The following CAST variants were observed in gnomAD, a reference collection of about 807,000 sequenced individuals.
CAST encodes the protein MIR583 host.
A neutral mutation model predicts 119.6 loss-of-function variants in CAST; 76 were observed. That is an observed-to-expected ratio of 0.64 (90% confidence interval 0.53 to 0.77). CAST has a LOEUF of 0.77. Among genes scored for constraint, CAST ranks in the 30% least tolerant of loss-of-function variants. The probability of loss-of-function intolerance (pLI) is 0.00; values close to 1 mark genes in which losing one functional copy is unlikely to be tolerated. For missense variants in CAST, 953 were observed against 946.5 expected (o/e 1.01, Z -0.09); for synonymous variants, 319 against 331.6 (o/e 0.96, Z 0.41).
At chr5:96,340,290 G>A in the CAST span, among the ~76,000 whole-genome samples, 1 of 152,118 alleles carries the variant, frequency 6.6e-6, no homozygotes. Flanking sequence ...TTTCATTTCA[G>A]CTCAGGTCCT....
At chr5:96,100,348 C>T in the CAST span, among the ~76,000 whole-genome samples, 1 of 152,344 alleles carries the variant, frequency 6.6e-6, no homozygotes, top group East Asian at 1.9e-4. Context: ...ATGCTAGCTT[C>T]TGCCTCAGTT....
the CAST span, among the ~76,000 whole-genome samples, chr5:96,112,240 T>C: frequency 6.6e-6 from 1 of 152,102 alleles, no homozygotes; most frequent in African/African-American, 2.4e-5. Flanking sequence ...AGTGGGAATA[T>C]ATTACCTAAT....
the CAST span, among the ~76,000 whole-genome samples, chr5:96,352,573 A>C: frequency 1.3e-5 from 2 of 152,212 alleles, no homozygotes; most frequent in African/African-American, 4.8e-5. Flanking sequence ...TATTTCCACC[A>C]ACAGGGGTAA....
chr5:96,473,291 C>T, the CAST span, among the ~76,000 whole-genome samples: 5 of 152,118 alleles, frequency 3.3e-5, no homozygotes, highest in African/African-American at 9.7e-5. Context: ...TGAGTGATAA[C>T]GTGTTTTCAC....
the CAST span, chr5:96,392,714 T>C: frequency 1.4e-4 from 66 of 465,838 alleles, no homozygotes; most frequent in East Asian, 2.3e-3. Flanking sequence ...AGTGTTCTAA[T>C]GTAGTGTAAG....
At chr5:96,043,290 G>A in the CAST span, among the ~76,000 whole-genome samples, 4 of 152,056 alleles carry the variant, frequency 2.6e-5, no homozygotes, top group Admixed American at 6.6e-5. Context: ...TTGTTCGATG[G>A]TCTCAGTGTC....
chr5:96,546,837 C>A (rs1746028877), intron 1 of CAST, among the ~76,000 whole-genome samples: 1 of 152,190 alleles, frequency 6.6e-6, no homozygotes, highest in South Asian at 2.1e-4. Context: ...GTCTGTTGTG[C>A]ATCATATTCA....
the CAST span, among the ~76,000 whole-genome samples, chr5:96,019,368 C>T: frequency 1.3e-4 from 20 of 152,288 alleles, no homozygotes; most frequent in Non-Finnish European, 2.6e-4. Flanking sequence ...AGCAATACTT[C>T]TGTACATATA....
At chr5:96,028,772 C>A in the CAST span, among the ~76,000 whole-genome samples, 2 of 151,864 alleles carry the variant, frequency 1.3e-5, no homozygotes, top group African/African-American at 2.4e-5. Context: ...AAAAAGCTGA[C>A]GTTAATGAAT....
At chr5:96,175,613 G>T in the CAST span, among the ~76,000 whole-genome samples, 5 of 152,148 alleles carry the variant, frequency 3.3e-5, no homozygotes, top group Admixed American at 3.3e-4. Context: ...ACACAACGTT[G>T]GTCAGTGATG....
At chr5:96,225,629 C>T in the CAST span, among the ~76,000 whole-genome samples, 1 of 152,128 alleles carries the variant, frequency 6.6e-6, no homozygotes, top group Non-Finnish European at 1.5e-5. Context: ...ACCCACCTTA[C>T]TAATGTATAT....
chr5:96,604,760 G>A (rs12108788), intron 1 of CAST, among the ~76,000 whole-genome samples: 12,587 of 152,274 alleles, frequency 0.083, 597 homozygotes, highest in African/African-American at 0.14. Context: ...ACTGCCTAAC[G>A]TCCAGGCATG....
chr5:96,770,579 G>C lies in CAST; in HGVS notation c.2317G>C (p.Gly773Arg). The change falls in exon 30 of 32, where the codon GGT becomes CGT. Residue 773 changes from glycine to arginine, a missense_variant. Coordinates refer to ENST00000675179, the MANE Select transcript of CAST (RefSeq NM_001750.7). ...ASSSKAPKNG[G>R]KAKDSAKTTE... is the part of the protein sequence containing the mutation. ...CAGCTCCAAAGCACCTAAGAATGGA[G>C]GTAAAGCGAAGGATTCAGCAAAGGT... is the stretch of plus-strand genomic sequence containing the variant. The C allele has an allele frequency of 2.5e-6, 4 of 1,612,528 alleles. No individual in the cohort carries two copies. Among genetic ancestry groups the C allele is most frequent in the Non-Finnish European group, 3.4e-6 (4 of 1,178,794 alleles).
At chr5:96,163,969 A>G in the CAST span, among the ~76,000 whole-genome samples, 2 of 152,228 alleles carry the variant, frequency 1.3e-5, no homozygotes, top group Non-Finnish European at 2.9e-5. Flanking sequence ...CTTCATCTGT[A>G]AAATGGGCAT....
chr5:96,754,026 C>T, intron 20 of CAST, 34 bp from the exon 21 acceptor site: 1 of 1,240,796 alleles, frequency 8.1e-7, no homozygotes, highest in Non-Finnish European at 1.2e-6. Context: ...AGTGATTAAC[C>T]ACCTACTTAA....
At chr5:96,140,524 G>A in the CAST span, among the ~76,000 whole-genome samples, 1 of 152,180 alleles carries the variant, frequency 6.6e-6, no homozygotes, top group South Asian at 2.1e-4. Context: ...GTGGCTGAAA[G>A]CACGGTTTTT....
chr5:96,583,465 C>T (rs1746801127), intron 1 of CAST, among the ~76,000 whole-genome samples: 1 of 152,128 alleles, frequency 6.6e-6, no homozygotes, highest in Admixed American at 6.5e-5. Flanking sequence ...TCTAGATCCA[C>T]TATCTTTAAA....
chr5:96,105,653 AT>A, the CAST span, among the ~76,000 whole-genome samples: 2 of 152,026 alleles, frequency 1.3e-5, no homozygotes, highest in Non-Finnish European at 2.9e-5. Flanking sequence ...TTTATTGAGG[AT>A]TTTTGCATCA....
intron 3 of CAST, among the ~76,000 whole-genome samples, chr5:96,713,203 C>T (rs1260274915): frequency 6.8e-6 from 1 of 147,620 alleles, no homozygotes; most frequent in Admixed American, 7.0e-5. Context: ...GCAATCTTGG[C>T]TCATTGCAAC....
Sources: gnomAD v4.1 joint callset for allele counts (sites outside exome capture counted in the v4.1 genomes callset) on GRCh38, gnomAD v4.1.1 for gene constraint, MANE v1.5 for transcripts, NCBI Gene and HGNC (gene_info 2026-07-23, HGNC 2026-07-21) for gene names.